The following PKP4 variants were observed in gnomAD, a reference collection of about 807,000 sequenced individuals.
PKP4 encodes the protein plakophilin-4.
In PKP4, 90 loss-of-function variants were observed where a neutral mutation model predicts 145.1. The ratio of observed to expected loss-of-function variants is 0.62; its 90% CI spans 0.52 to 0.74. The LOEUF (loss-of-function observed/expected upper bound fraction) is 0.74. Ranked by LOEUF, PKP4 falls within the 30% of genes least tolerant of loss-of-function variation. PKP4 has a pLI of 0.00. For synonymous variants in PKP4, 563 were observed against 577.2 expected, an observed-to-expected ratio of 0.98 and a Z score of 0.35; for missense variants, 1,340 against 1,482.7, an observed-to-expected ratio of 0.90 and a Z score of 1.58.
At chr2:158,522,750 G>A (rs981993229) in intron 1 of PKP4, among the ~76,000 whole-genome samples, 1 of 152,236 alleles carries the variant, frequency 6.6e-6, no homozygotes, top group Non-Finnish European at 1.5e-5. Flanking sequence ...GTGCCAGACA[G>A]TGGGCGCAGG....
At chr2:158,531,034 G>A (rs1268768001) in intron 1 of PKP4, among the ~76,000 whole-genome samples, 1 of 152,066 alleles carries the variant, frequency 6.6e-6, no homozygotes, top group Non-Finnish European at 1.5e-5. Context: ...GCCCCCTAAT[G>A]GTCAATGTCC....
At chr2:158,471,795 C>T (rs145396210) in intron 1 of PKP4, among the ~76,000 whole-genome samples, 80 of 152,294 alleles carry the variant, frequency 5.3e-4, no homozygotes, top group African/African-American at 1.9e-3. Context: ...AAAAGTAATT[C>T]CTTTTTTAGA....
chr2:158,627,491 C>T (rs1349990769), intron 7 of PKP4, among the ~76,000 whole-genome samples: 2 of 152,034 alleles, frequency 1.3e-5, no homozygotes, highest in Non-Finnish European at 2.9e-5. Context: ...GGCCCAGCCT[C>T]TCAGTGATTT....
At chr2:158,662,731 A>G (rs903285387) in intron 13 of PKP4, 166 bp from the exon 14 acceptor site, 4 of 556,874 alleles carry the variant, frequency 7.2e-6, no homozygotes, top group South Asian at 8.0e-5. Context: ...GTATTCCACA[A>G]ACACTCTAGA....
chr2:158,644,917 A>C (rs2054682799), intron 11 of PKP4, among the ~76,000 whole-genome samples: 1 of 152,112 alleles, frequency 6.6e-6, no homozygotes, highest in South Asian at 2.1e-4. Context: ...ATTTAATTTA[A>C]AATTTTAAAA....
intron 1 of PKP4, among the ~76,000 whole-genome samples, chr2:158,523,063 C>T (rs1435855323): frequency 2.6e-5 from 4 of 152,188 alleles, no homozygotes; most frequent in South Asian, 2.1e-4. Context: ...GAGGGGCGCC[C>T]GCCATTGCCC....
intron 1 of PKP4, among the ~76,000 whole-genome samples, chr2:158,472,327 AG>A (rs1691697070): frequency 6.6e-6 from 1 of 152,176 alleles, no homozygotes; most frequent in Admixed American, 6.5e-5. Context: ...AAGTAGAATT[AG>A]GCCGGGCGTG....
chr2:158,506,103 C>T (rs1056361729), intron 1 of PKP4, among the ~76,000 whole-genome samples: 12 of 152,210 alleles, frequency 7.9e-5, no homozygotes, highest in African/African-American at 2.7e-4. Flanking sequence ...GATCAGACTG[C>T]GTTTCCTTCA....
chr2:158,618,784 T>C (rs1407056570), intron 4 of PKP4, among the ~76,000 whole-genome samples: 1 of 152,150 alleles, frequency 6.6e-6, no homozygotes, highest in Non-Finnish European at 1.5e-5. Flanking sequence ...GGTGGGCAGC[T>C]TACATAAAAT....
chr2:158,663,196 G>T, intron 14 of PKP4, 76 bp from the exon 15 acceptor site: 1 of 1,528,352 alleles, frequency 6.5e-7, no homozygotes, highest in Admixed American at 1.8e-5. Context: ...GCTGAGTCCC[G>T]CAAAGGTGAA....
intron 11 of PKP4, among the ~76,000 whole-genome samples, chr2:158,656,960 G>C (rs1228267852): frequency 6.6e-6 from 1 of 152,160 alleles, no homozygotes; most frequent in African/African-American, 2.4e-5. Context: ...TTGTCTCCGG[G>C]CCACGCTCTT....
chr2:158,537,468 T>G (rs2044150732), intron 2 of PKP4, among the ~76,000 whole-genome samples: 1 of 152,184 alleles, frequency 6.6e-6, no homozygotes, highest in Admixed American at 6.5e-5. Flanking sequence ...AATTATGCTT[T>G]AAGAGAAATA....
At chr2:158,679,904 T>C (rs759559023) in intron 21 of PKP4, among the ~76,000 whole-genome samples, 3 of 152,242 alleles carry the variant, frequency 2.0e-5, no homozygotes, top group Admixed American at 1.3e-4. Flanking sequence ...CCTAGCCACA[T>C]ACATCTTTTA....
intron 2 of PKP4, among the ~76,000 whole-genome samples, chr2:158,552,151 G>T (rs1008028363): frequency 2.0e-5 from 3 of 152,238 alleles, no homozygotes; most frequent in Non-Finnish European, 4.4e-5. Context: ...TGAAGGTGGA[G>T]GCAGGGATTG....
chr2:158,500,827 C>A (rs573518009), intron 1 of PKP4, among the ~76,000 whole-genome samples: 1 of 152,318 alleles, frequency 6.6e-6, no homozygotes, highest in African/African-American at 2.4e-5. Flanking sequence ...ACAGTTTTGC[C>A]TTTAGAAGCT....
chr2:158,467,471 G>A (rs1219624096), intron 1 of PKP4, among the ~76,000 whole-genome samples: 1 of 151,304 alleles, frequency 6.6e-6, no homozygotes, highest in Non-Finnish European at 1.5e-5. Flanking sequence ...AGGATGACTT[G>A]AGCCTGGGAG....
At chr2:158,470,625 G>A (rs1189647373) in intron 1 of PKP4, among the ~76,000 whole-genome samples, 1 of 152,204 alleles carries the variant, frequency 6.6e-6, no homozygotes, top group African/African-American at 2.4e-5. Context: ...TCTAAGGAAG[G>A]AAAGGCATCT....
intron 4 of PKP4, among the ~76,000 whole-genome samples, chr2:158,608,849 T>C (rs575409949): frequency 6.8e-6 from 1 of 146,130 alleles, no homozygotes; most frequent in South Asian, 2.2e-4. Flanking sequence ...AGTCTTGCTC[T>C]GTTGCCATAG....
intron 1 of PKP4, among the ~76,000 whole-genome samples, chr2:158,495,564 C>T (rs555108180): frequency 1.6e-4 from 25 of 151,926 alleles, no homozygotes; most frequent in East Asian, 1.6e-3. Context: ...GTCCGGGTGC[C>T]GTGGCTCCCA....
Sources: allele counts gnomAD v4.1 joint callset (sites outside exome capture counted in the v4.1 genomes callset), GRCh38; gene constraint gnomAD v4.1.1; transcripts MANE v1.5; gene names NCBI Gene and HGNC (gene_info 2026-07-23, HGNC 2026-07-21).